The following HOXC6 variants were observed in gnomAD, a reference collection of about 807,000 sequenced individuals.
HOXC6 encodes homeobox protein Hox-C6.
HOXC6 carries 10 observed loss-of-function variants against 24.0 expected under a neutral mutation model. That is an observed-to-expected ratio of 0.42 (90% confidence interval 0.26 to 0.71). The LOEUF (loss-of-function observed/expected upper bound fraction) is 0.71, where lower values mean the gene tolerates loss of function less well. HOXC6 is among the 30% of genes least tolerant of loss of function. The pLI is 0.28. For missense variants in HOXC6, 258 were observed against 303.4 expected (o/e 0.85, Z 1.11); for synonymous variants, 123 against 128.1 (o/e 0.96, Z 0.27).
At position 54,030,174 on chromosome 12, in the gene HOXC6, C is replaced by A; in HGVS notation, c.*212C>A. 1.9e-6 allele frequency: 1 copy of A among 514,472 alleles called. No homozygotes were observed. Among genetic ancestry groups the A allele is most frequent in the South Asian group, 3.3e-5 (1 of 30,092 alleles). 31.9% of individuals were successfully genotyped at this position (514,472 alleles called of 1,614,324 possible). ...TTCACCACGCGCCTCCTCCTCCTCG[C>A]TCCCTTGCTAGCTCGTTCTCGGCTT... On this transcript the variant is annotated 3_prime_UTR_variant, in exon 2 of 2. Coordinates refer to ENST00000243108, the MANE Select transcript of HOXC6 (RefSeq NM_004503.4).
chr12:54,023,520 C>T (rs1940541638), upstream of HOXC6, among the ~76,000 whole-genome samples: 1 of 152,146 alleles, frequency 6.6e-6, no homozygotes, highest in Admixed American at 6.5e-5. Context: ...GCCTCTCAAC[C>T]TCTTAGCTCA....
Position 54,028,941 on chromosome 12 carries a change from G to C in HOXC6, c.400+20G>C, listed in dbSNP as rs148984909. Reference sequence around the variant, plus strand: ...ACAGTGGTGAGTTTTACAGCTCCGAGATATAAATTAAATAAACTGAACTGG... The same window carrying C: ...ACAGTGGTGAGTTTTACAGCTCCGACATATAAATTAAATAAACTGAACTGG... On this transcript the variant is annotated intron_variant, in intron 1 of 1. Coordinates refer to ENST00000243108, the MANE Select transcript of HOXC6 (RefSeq NM_004503.4). 14,349 of 1,585,770 alleles carry C rather than the reference G, an allele frequency of 9.0e-3. 81 individuals carry two copies. Among genetic ancestry groups the C allele is most frequent in the Non-Finnish European group, 0.011 (12,612 of 1,171,070 alleles).
intron 1 of HOXC6, among the ~76,000 whole-genome samples, chr12:54,018,704 T>A (rs1940281718): frequency 6.6e-6 from 1 of 152,150 alleles, no homozygotes; most frequent in South Asian, 2.1e-4. Context: ...AATTTCTGTT[T>A]ATAAACGGCG....
upstream of HOXC6, among the ~76,000 whole-genome samples, chr12:54,026,944 C>A (rs555339186): frequency 1.5e-4 from 20 of 136,584 alleles, no homozygotes; most frequent in South Asian, 9.0e-4. Context: ...TTTCCCCCCC[C>A]CCAACCCACC....
rs1448844959 is a variant in HOXC6, at chr12:54,030,752, C to T, written c.*790C>T. 1 of 152,614 alleles carries T rather than the reference C, an allele frequency of 6.6e-6. No homozygotes were observed. The allele number at this position is 152,614 out of a possible 1,614,324, so 9.5% of individuals were successfully genotyped here. ...AATAAATAAATCCCTTCGTGTTACCCTCCTGTATAAATCCAACCTCTGGGT... is the reference window on the plus strand; with the variant it reads ...AATAAATAAATCCCTTCGTGTTACCTTCCTGTATAAATCCAACCTCTGGGT... On this transcript the variant is annotated 3_prime_UTR_variant, in exon 2 of 2. Transcript: ENST00000243108.
upstream of HOXC6, among the ~76,000 whole-genome samples, chr12:54,026,680 C>A (rs931527765): frequency 6.6e-6 from 1 of 152,202 alleles, no homozygotes; most frequent in Non-Finnish European, 1.5e-5. Context: ...AACCCCCTAA[C>A]GAGGTTCATG....
chr12:54,028,284 C>A (rs1206160407), upstream of HOXC6: 3 of 319,374 alleles, frequency 9.4e-6, no homozygotes, highest in East Asian at 4.9e-5. Flanking sequence ...AAAAGAAATC[C>A]AAGTCTTACT....
upstream of HOXC6, among the ~76,000 whole-genome samples, chr12:54,024,356 C>T (rs1477350171): frequency 1.3e-5 from 2 of 152,102 alleles, no homozygotes; most frequent in Non-Finnish European, 2.9e-5. Flanking sequence ...CCCGAGCAGC[C>T]TCAGGAGGCA....
chr12:54,023,668 G>A (rs1024690643), upstream of HOXC6, among the ~76,000 whole-genome samples: 1 of 152,122 alleles, frequency 6.6e-6, no homozygotes, highest in Non-Finnish European at 1.5e-5. Flanking sequence ...CCCGGGCCCT[G>A]TCCCCAAAAT....
At chr12:54,018,626 G>T (rs1318056389) in intron 1 of HOXC6, among the ~76,000 whole-genome samples, 2 of 152,232 alleles carry the variant, frequency 1.3e-5, no homozygotes, top group East Asian at 1.9e-4. Context: ...ATGTGTTGCA[G>T]TTTGATATAT....
chr12:54,024,276 C>T (rs1940585074), upstream of HOXC6, among the ~76,000 whole-genome samples: 1 of 152,172 alleles, frequency 6.6e-6, no homozygotes. Flanking sequence ...GCGGTCGCGT[C>T]CAGGCAGCTG....
chr12:54,029,127 G>T (rs553311752), intron 1 of HOXC6, among the ~76,000 whole-genome samples: 1 of 152,272 alleles, frequency 6.6e-6, no homozygotes, highest in South Asian at 2.1e-4. Flanking sequence ...GCCCCTGACG[G>T]ATTGGAGGGC....
intron 1 of HOXC6, among the ~76,000 whole-genome samples, chr12:54,022,749 TA>T (rs1940507663): frequency 6.6e-6 from 1 of 152,200 alleles, no homozygotes; most frequent in Admixed American, 6.5e-5. Flanking sequence ...CTGCCATGTA[TA>T]ACTGGTAGGA....
At chr12:54,025,026 A>C (rs1940627425), upstream of HOXC6, among the ~76,000 whole-genome samples, 1 of 152,188 alleles carries the variant, frequency 6.6e-6, no homozygotes, top group Non-Finnish European at 1.5e-5. Flanking sequence ...TCTTGACACC[A>C]AGCCCCTTCC....
upstream of HOXC6, among the ~76,000 whole-genome samples, chr12:54,026,536 T>C (rs1007465723): frequency 1.3e-5 from 2 of 152,254 alleles, no homozygotes; most frequent in Admixed American, 6.5e-5. Context: ...AAGTGTGATC[T>C]AGAAGGAGGA....
At chr12:54,017,587 G>T (rs1940211947) in intron 1 of HOXC6, among the ~76,000 whole-genome samples, 1 of 151,846 alleles carries the variant, frequency 6.6e-6, no homozygotes, top group Non-Finnish European at 1.5e-5. Context: ...GGTTAAACTG[G>T]AATACCGGTA....
At chr12:54,018,174 G>A (rs1565734359) in intron 1 of HOXC6, among the ~76,000 whole-genome samples, 2 of 152,204 alleles carry the variant, frequency 1.3e-5, no homozygotes, top group Admixed American at 1.3e-4. Context: ...GGGGGTGGGG[G>A]ATGCTGTACT....
At chr12:54,024,488 A>G (rs921250424), upstream of HOXC6, among the ~76,000 whole-genome samples, 1 of 152,138 alleles carries the variant, frequency 6.6e-6, no homozygotes, top group African/African-American at 2.4e-5. Flanking sequence ...AGACAGGGAG[A>G]ACACAACTAA....
upstream of HOXC6, among the ~76,000 whole-genome samples, chr12:54,024,688 AGCTCACAT>A (rs1243060098): frequency 3.3e-5 from 5 of 151,582 alleles, no homozygotes; most frequent in African/African-American, 1.2e-4. Context: ...CCCAGTTCAG[AGCTCACAT>A]GCCCCCAGCC....
Sources: gnomAD v4.1 joint callset for allele counts (sites outside exome capture counted in the v4.1 genomes callset) on GRCh38, gnomAD v4.1.1 for gene constraint, MANE v1.5 for transcripts, NCBI Gene and HGNC (gene_info 2026-07-23, HGNC 2026-07-21) for gene names.